DSG1: variants seen among roughly 807,000 people sequenced by gnomAD.
DSG1 encodes the protein desmoglein 1.
A neutral mutation model predicts 97.5 loss-of-function variants in DSG1; 39 were observed. The ratio of observed to expected loss-of-function variants is 0.40; its 90% CI spans 0.31 to 0.52. The LOEUF (loss-of-function observed/expected upper bound fraction) is 0.52, where lower values mean the gene tolerates loss of function less well. Among genes scored for constraint, DSG1 ranks in the 20% least tolerant of loss-of-function variants. The pLI is 0.53. For missense variants in DSG1, 1,311 were observed against 1,295.4 expected (o/e 1.01, Z -0.18); for synonymous variants, 475 against 443.4 (o/e 1.07, Z -0.90).
rs748921617 is a variant in DSG1 at position 31,354,842 on chromosome 18, G to A, written c.2646G>A (p.Glu882=). The change falls in exon 15 of 15, where the codon GAG becomes GAA. Residue 882 remains glutamate, a synonymous_variant. Coordinates refer to ENST00000257192, the MANE Select transcript of DSG1 (RefSeq NM_001942.4). ...GCGCTGATTTGCATGGAATGTTAGA[G>A]ATGCCTGACTTGCGAGATGGGTCGA... is the stretch of plus-strand genomic sequence containing the variant. ...ISGADLHGML[E]MPDLRDGSNV... 6.2e-7 allele frequency: 1 copy of A among 1,614,174 alleles called. No individual in the cohort carries two copies. The highest frequency in any genetic ancestry group is 8.5e-7 in the Non-Finnish European group (1 of 1,180,028).
At position 31,357,341 on chromosome 18, in the gene DSG1, G is replaced by A. The variant is rs1214932010; in HGVS notation, c.*1995G>A. ...TCTGACACTTAGGGGGCCACATTAA[G>A]GATGGGTAATCTTTCCAGGAATAAA... On this transcript the variant is annotated 3_prime_UTR_variant, in exon 15 of 15. Coordinates refer to ENST00000257192, the MANE Select transcript of DSG1 (RefSeq NM_001942.4). Among the ~76,000 whole-genome samples the A allele has an allele frequency of 2.6e-5, 4 of 151,996 alleles. No homozygotes were observed. The highest frequency in any genetic ancestry group is 4.4e-5 in the Non-Finnish European group (3 of 67,920).
At position 31,318,605 on chromosome 18, in the gene DSG1, A is replaced by C. The variant is rs75701988; in HGVS notation, c.48+257A>C. The stretch of plus-strand genomic sequence containing the variant: ...GAAGTCATTGCTAAGTCATGCTGGG[A>C]AAAGACTGAATTTAGGAAATTCCTA... On this transcript the variant is annotated intron_variant, in intron 1 of 14. Coordinates refer to ENST00000257192, the MANE Select transcript of DSG1 (RefSeq NM_001942.4). Among the ~76,000 whole-genome samples the C allele has an allele frequency of 6.1e-3, 933 of 152,272 alleles. 16 individuals are homozygous for C. The highest frequency in any genetic ancestry group is 0.022 in the African/African-American group (903 of 41,554).
chr18:31,357,574 T>C lies in DSG1; in HGVS notation c.*2228T>C, dbSNP rs1051085408. Among the ~76,000 whole-genome samples, 4 of 152,060 alleles carry C rather than the reference T, an allele frequency of 2.6e-5. No individual in the cohort carries two copies. Among genetic ancestry groups the C allele is most frequent in the Non-Finnish European group, 4.4e-5 (3 of 67,922 alleles). On this transcript the variant is annotated 3_prime_UTR_variant, in exon 15 of 15. Transcript: ENST00000257192. ...TCTTCCAGAGATATTTTTTAGGTTGTCTTGCAAACAACAAAATCACTGTCT... is the reference window on the plus strand; with the variant it reads ...TCTTCCAGAGATATTTTTTAGGTTGCCTTGCAAACAACAAAATCACTGTCT...
At chr18:31,347,321 A>G (rs2071847849) in intron 14 of DSG1, among the ~76,000 whole-genome samples, 1 of 152,156 alleles carries the variant, frequency 6.6e-6, no homozygotes, top group African/African-American at 2.4e-5. Context: ...ATCAAATATC[A>G]CTTTATCAGA....
At chr18:31,334,874 C>T (rs1280701022) in intron 8 of DSG1, among the ~76,000 whole-genome samples, 1 of 152,092 alleles carries the variant, frequency 6.6e-6, no homozygotes, top group Non-Finnish European at 1.5e-5. Context: ...AAATTTGCCT[C>T]CTAGGGAGCT....
chr18:31,346,441 A>G (rs2071837877), intron 14 of DSG1, among the ~76,000 whole-genome samples: 1 of 152,194 alleles, frequency 6.6e-6, no homozygotes, highest in Non-Finnish European at 1.5e-5. Context: ...ATGGCATGCA[A>G]TCCAAAGTCC....
rs746087624 is a variant in DSG1, at chr18:31,343,536, G to C, written c.1774G>C (p.Gly592Arg). Residue 592 changes from glycine to arginine, a missense_variant, in exon 12 of 15, where the codon GGA (glycine) becomes CGA (arginine). Gly to Arg is a moderately radical substitution (Grantham distance 125). Transcript: ENST00000257192. ...TGAGCCTGTTCCCGAATGTTCAGAT[G>C]GAGCAATTCATTCATGGGCAGTAGA... ...GFEPVPECSDGAIHSWAVEGP... is the reference protein window; with the variant it reads ...GFEPVPECSDRAIHSWAVEGP... 2 of 1,614,106 alleles carry C rather than the reference G, an allele frequency of 1.2e-6. No homozygotes were observed. The highest frequency in any genetic ancestry group is 1.1e-5 in the South Asian group (1 of 91,072).
At chr18:31,326,544 TA>T (rs2071686988) in intron 1 of DSG1, 36 bp from the exon 2 acceptor site, 1 of 1,490,870 alleles carries the variant, frequency 6.7e-7, no homozygotes, top group South Asian at 1.2e-5. Context: ...AGCATTTAAT[TA>T]AAAAATAACT....
intron 1 of DSG1, 58 bp downstream of exon 1, chr18:31,318,406 CTT>C: frequency 6.9e-7 from 1 of 1,439,376 alleles, no homozygotes; most frequent in Non-Finnish European, 9.8e-7. Context: ...CAAGTGAAAA[CTT>C]TTTAGAAAAT....
At chr18:31,333,485 T>C (rs767497889) in intron 6 of DSG1, 104 bp from the exon 7 acceptor site, 50 of 1,397,120 alleles carry the variant, frequency 3.6e-5, no homozygotes, top group Non-Finnish European at 5.1e-5. Context: ...ACCTCTATCA[T>C]AGATTTATGT....
Position 31,354,422 on chromosome 18 carries a change from C to A in DSG1, c.2226C>A (p.Asp742Glu), listed in dbSNP as rs746375055. The A allele has an allele frequency of 3.1e-6, 5 of 1,614,140 alleles. No individual in the cohort carries two copies. The South Asian group carries it at 5.5e-5, about 18-fold the overall frequency. The change falls in exon 15 of 15, where the codon GAC (aspartate) becomes GAA (glutamate). Residue 742 changes from aspartate to glutamate, a missense_variant. This residue lies in a region of DSG1 where 1,038 missense variants were observed against 964.6 expected (regional missense o/e 1.08). Coordinates refer to ENST00000257192, the MANE Select transcript of DSG1 (RefSeq NM_001942.4). ...GTTGTTGTAGCTTCATTGGAGAAGA[C>A]CTGGATGACAGCTTCTTGGATACCC... ...SVGCCSFIGE[D>E]LDDSFLDTLG...
At position 31,354,566 on chromosome 18, in the gene DSG1, G is replaced by A; in HGVS notation, c.2370G>A (p.Glu790=). The A allele has an allele frequency of 1.9e-6, 3 of 1,614,164 alleles. No individual in the cohort carries two copies. The highest frequency in any genetic ancestry group is 2.5e-6 in the Non-Finnish European group (3 of 1,180,032). The change falls in exon 15 of 15, where the codon GAG becomes GAA. Residue 790 remains glutamate, a synonymous_variant. Transcript: ENST00000257192. The part of the protein sequence containing the change: ...TEPVCLPQET[E]PVVSGHPPIS... ...CAGTTTGCCTTCCTCAGGAAACAGAGCCCGTTGTTAGTGGACACCCACCAA... is the reference window on the plus strand; with the variant it reads ...CAGTTTGCCTTCCTCAGGAAACAGAACCCGTTGTTAGTGGACACCCACCAA...
rs913207669 is a variant in DSG1, at chr18:31,358,520, T to C, written c.*3174T>C. Among the ~76,000 whole-genome samples, 4 of 152,090 alleles carry C rather than the reference T, an allele frequency of 2.6e-5. No individual in the cohort carries two copies. In the South Asian group the frequency reaches 6.2e-4, roughly 24 times the overall value. The stretch of plus-strand genomic sequence containing the variant: ...ATTTTAATTATATGTCTTCAAAAAT[T>C]ACATTTTTTACTCTAGTAAGTAGAT... On this transcript the variant is annotated 3_prime_UTR_variant, in exon 15 of 15. Coordinates refer to ENST00000257192, the MANE Select transcript of DSG1 (RefSeq NM_001942.4).
intron 1 of DSG1, among the ~76,000 whole-genome samples, chr18:31,321,715 T>C (rs761315077): frequency 1.3e-5 from 2 of 152,230 alleles, no homozygotes; most frequent in Non-Finnish European, 2.9e-5. Context: ...AATGCTGTCT[T>C]AAATCTGAAA....
chr18:31,346,059 T>G lies in DSG1; in HGVS notation c.1961T>G (p.Phe654Cys), dbSNP rs773913006. The change falls in exon 14 of 15, where the codon TTT (phenylalanine) becomes TGT (cysteine). Residue 654 changes from phenylalanine (F) to cysteine (C), a missense_variant. Around this residue, in one of 3 missense-constraint regions of DSG1, gnomAD observed 1,038 missense variants for 964.6 expected, o/e 1.08. Transcript: ENST00000257192. ...DLGGGERMTG[F>C]ELTEGVKTSG... Reference sequence around the variant, plus strand: ...GGAGGAGGAGAGAGAATGACAGGATTTGAACTAACAGAGGGAGTTAAAACT... The same window carrying G: ...GGAGGAGGAGAGAGAATGACAGGATGTGAACTAACAGAGGGAGTTAAAACT... 1.2e-6 allele frequency: 2 copies of G among 1,613,878 alleles called. No individual in the cohort carries two copies. The highest frequency in any genetic ancestry group is 8.5e-7 in the Non-Finnish European group (1 of 1,179,868).
At chr18:31,352,204 G>T (rs368829678) in intron 14 of DSG1, among the ~76,000 whole-genome samples, 4 of 151,316 alleles carry the variant, frequency 2.6e-5, no homozygotes, top group South Asian at 2.1e-4. Flanking sequence ...GTCTGTAAAG[G>T]ATTTTATTTC....
At position 31,333,640 on chromosome 18, in the gene DSG1, G is replaced by A; in HGVS notation, c.736G>A (p.Ala246Thr). 2 of 1,613,832 alleles carry A rather than the reference G, an allele frequency of 1.2e-6. No homozygotes were observed. The highest frequency in any genetic ancestry group is 1.1e-5 in the South Asian group (1 of 91,058). ...AVRGSDRDGG[A>T]DGMSAECECN... ...AAGAGGCTCTGACCGAGATGGCGGGGCAGATGGCATGTCAGCGGAATGTGA... is the reference window on the plus strand; with the variant it reads ...AAGAGGCTCTGACCGAGATGGCGGGACAGATGGCATGTCAGCGGAATGTGA... The change falls in exon 7 of 15, where the codon GCA becomes ACA. Residue 246 changes from alanine to threonine, a missense_variant. Physicochemically the swap from Ala to Thr is moderately conservative, Grantham distance 58. Around this residue, in one of 3 missense-constraint regions of DSG1, gnomAD observed 259 missense variants for 304.1 expected, o/e 0.85. Transcript: ENST00000257192.
chr18:31,329,876 A>T lies in DSG1; in HGVS notation c.373-16A>T. 9 of 1,612,336 alleles carry T rather than the reference A, an allele frequency of 5.6e-6. No homozygotes were observed. The highest frequency in any genetic ancestry group is 7.6e-6 in the Non-Finnish European group (9 of 1,178,726). ...TCTGTGTTTCACTGTATAATTATTT[A>T]TCTTTTCTCTCCCAGATCTACTGCC... On this transcript the variant is annotated splice_polypyrimidine_tract_variant and intron_variant, in intron 4 of 14. Coordinates refer to ENST00000257192, the MANE Select transcript of DSG1 (RefSeq NM_001942.4).
At position 31,356,403 on chromosome 18, in the gene DSG1, G is replaced by A. The variant is rs919334548; in HGVS notation, c.*1057G>A. 7.2e-5 allele frequency: 11 copies of A among 152,058 alleles called. No individual in the cohort carries two copies. Among genetic ancestry groups the A allele is most frequent in the African/African-American group, 2.4e-4 (10 of 41,418 alleles). 9.4% of individuals were successfully genotyped at this position (152,058 alleles called of 1,614,324 possible). A position where few individuals can be genotyped will look rare whatever the true frequency, so the allele number is the denominator to read the frequency against. ...ACAAAAAAAAAAGAAGCAGCAGCTT[G>A]TAGTATGCTTAAGCTTTGGGGAATT... On this transcript the variant is annotated 3_prime_UTR_variant, in exon 15 of 15. Transcript: ENST00000257192.
Sources: allele counts gnomAD v4.1 joint callset (sites outside exome capture counted in the v4.1 genomes callset), GRCh38; gene constraint gnomAD v4.1.1; regional missense constraint gnomAD v4.1.1; transcripts MANE v1.5; gene names NCBI Gene and HGNC (gene_info 2026-07-23, HGNC 2026-07-21).